The following TUBB4B variants were observed in gnomAD, a reference collection of about 807,000 sequenced individuals.
TUBB4B encodes the protein tubulin beta-4B chain.
A neutral mutation model predicts 34.3 loss-of-function variants in TUBB4B; 7 were observed. The observed-to-expected ratio is 0.20, with a 90% CI of 0.12 to 0.38. The LOEUF is 0.38. TUBB4B is among the 10% of genes least tolerant of loss of function. The probability of loss-of-function intolerance (pLI) is 1.00; values close to 1 mark genes in which losing one functional copy is unlikely to be tolerated. For missense variants in TUBB4B, 178 were observed against 610.9 expected, an observed-to-expected ratio of 0.29 and a Z score of 7.47; for synonymous variants, 390 against 250.2, an observed-to-expected ratio of 1.56 and a Z score of -5.27.
chr9:137,241,449 C>T, intron 1 of TUBB4B, 32 bp downstream of exon 1: 3 of 1,540,734 alleles, frequency 1.9e-6, no homozygotes, highest in East Asian at 2.7e-5. Context: ...GCCAGGCGGG[C>T]CTGCCGGGCG....
In TUBB4B at chr9:137,241,332, C is replaced by G. The variant is rs11545612; in HGVS notation, c.-29C>G. The G allele has an allele frequency of 3.9e-4, 613 of 1,591,872 alleles. No individual in the cohort carries two copies. The highest frequency in any genetic ancestry group is 4.9e-4 in the Non-Finnish European group (580 of 1,174,810). On this transcript the variant is annotated 5_prime_UTR_variant, in exon 1 of 4. Coordinates refer to ENST00000340384, the MANE Select transcript of TUBB4B (RefSeq NM_006088.6). ...TTCTGCTGCTGTTTGTCTACTTCCT[C>G]CTGCTTCCCCGCCGCCGCCGCCGCC...
intron 3 of TUBB4B, 115 bp downstream of exon 3, chr9:137,242,136 A>T (rs1192284950): frequency 1.9e-6 from 2 of 1,049,688 alleles, no homozygotes; most frequent in Non-Finnish European, 2.7e-6. Context: ...TCTCTGAGCC[A>T]CTCAATCCCC....
intron 1 of TUBB4B, 21 bp from the exon 2 acceptor site, chr9:137,241,700 G>T (rs773226620): frequency 1.2e-6 from 2 of 1,602,260 alleles, no homozygotes; most frequent in East Asian, 2.3e-5. Context: ...GCCCGCCCGG[G>T]CCCGCCCGCG....
chr9:137,242,845 C>T lies in TUBB4B; in HGVS notation c.627C>T (p.Asp209=), dbSNP rs376423434. The T allele has an allele frequency of 4.8e-5, 77 of 1,613,644 alleles. No homozygotes were observed. Among genetic ancestry groups the T allele is most frequent in the South Asian group, 8.8e-5 (8 of 91,092 alleles). ...GCATTGATAACGAAGCTCTCTACGA[C>T]ATTTGCTTCAGAACCCTAAAGCTGA... The part of the protein sequence containing the change: ...TYCIDNEALY[D]ICFRTLKLTT... The change falls in exon 4 of 4, where the codon GAC becomes GAT. Residue 209 remains aspartate (D), a synonymous_variant. Coordinates refer to ENST00000340384, the MANE Select transcript of TUBB4B (RefSeq NM_006088.6).
intron 1 of TUBB4B, 127 bp from the exon 2 acceptor site, chr9:137,241,594 C>T (rs1177294947): frequency 1.5e-6 from 1 of 648,972 alleles, no homozygotes; most frequent in Non-Finnish European, 1.9e-6. Flanking sequence ...GCGGCCAGGG[C>T]GCGCGGGGCG....
In TUBB4B at chr9:137,243,001, C is replaced by T. The variant is rs1006854335; in HGVS notation, c.783C>T (p.Pro261=). 1 of 1,612,924 alleles carries T rather than the reference C, an allele frequency of 6.2e-7. No homozygotes were observed. Among genetic ancestry groups the T allele is most frequent in the Non-Finnish European group, 8.5e-7 (1 of 1,180,030 alleles). The change falls in exon 4 of 4, where the codon CCC becomes CCT. Residue 261 remains proline, a synonymous_variant. Coordinates refer to ENST00000340384, the MANE Select transcript of TUBB4B (RefSeq NM_006088.6). The part of the protein sequence containing the change: ...RKLAVNMVPF[P]RLHFFMPGFA... ...TGGCTGTGAACATGGTCCCGTTTCC[C>T]CGGCTGCACTTCTTCATGCCCGGCT...
At chr9:137,242,216 T>A (rs1836764171) in intron 3 of TUBB4B, 195 bp downstream of exon 3, 2 of 672,292 alleles carry the variant, frequency 3.0e-6, no homozygotes, top group Admixed American at 2.9e-5. Context: ...ACACGTAATC[T>A]CCCTGCAGGG....
At position 137,241,696 on chromosome 9, in the gene TUBB4B, C is replaced by A. The variant is rs768359623; in HGVS notation, c.58-25C>A. On this transcript the variant is annotated intron_variant, in intron 1 of 3. Coordinates refer to ENST00000340384, the MANE Select transcript of TUBB4B (RefSeq NM_006088.6). ...CCGCGGTGACTCAGCCCCGGCCCGCCCGGGCCCGCCCGCGTCCCTTGTAGT... is the reference window on the plus strand; with the variant it reads ...CCGCGGTGACTCAGCCCCGGCCCGCACGGGCCCGCCCGCGTCCCTTGTAGT... 1.9e-6 allele frequency: 3 copies of A among 1,598,940 alleles called. No homozygotes were observed. The East Asian group carries it at 6.8e-5, about 36-fold the overall frequency.
chr9:137,241,500 C>A (rs946685150), intron 1 of TUBB4B, 83 bp downstream of exon 1: 1 of 1,152,552 alleles, frequency 8.7e-7, no homozygotes, highest in Non-Finnish European at 1.1e-6. Flanking sequence ...CAGCAGCGGC[C>A]GGGCGGCGCC....
At chr9:137,242,257 T>A (rs1836766074) in intron 3 of TUBB4B, 1 of 663,806 alleles carries the variant, frequency 1.5e-6, no homozygotes, top group Non-Finnish European at 2.5e-6. Flanking sequence ...TGTTCCTCTG[T>A]CCTTGGGAAT....
At chr9:137,241,569 GC>G in intron 1 of TUBB4B, 151 bp from the exon 2 acceptor site, 3 of 793,058 alleles carry the variant, frequency 3.8e-6, no homozygotes, top group South Asian at 5.7e-5. Flanking sequence ...GGCGACCGAA[GC>G]CCCCAGGAAC....
At chr9:137,242,392 A>G (rs773586546) in intron 3 of TUBB4B, 104 bp from the exon 4 acceptor site, 29 of 1,377,636 alleles carry the variant, frequency 2.1e-5, no homozygotes, top group Non-Finnish European at 2.8e-5. Context: ...TCCAGGGTGA[A>G]TTCTGTGGTC....
Position 137,243,368 on chromosome 9 carries a change from C to T in TUBB4B, c.1150C>T (p.Gln384Ter). 6.2e-7 allele frequency: 1 copy of T among 1,613,530 alleles called. No homozygotes were observed. Among genetic ancestry groups the T allele is most frequent in the African/African-American group, 1.3e-5 (1 of 75,060 alleles). ...IQELFKRISE[Q>*]FTAMFRRKAF... ...GGAGCTGTTCAAGCGCATCTCCGAG[C>T]AGTTCACGGCCATGTTCCGGCGCAA... is the stretch of plus-strand genomic sequence containing the variant. Residue 384 changes from glutamine to a stop codon, truncating the protein, a stop_gained, in exon 4 of 4, where the codon CAG becomes TAG. Coordinates refer to ENST00000340384, the MANE Select transcript of TUBB4B (RefSeq NM_006088.6). LOFTEE classifies it high-confidence loss of function.
chr9:137,243,154 G>T lies in TUBB4B; in HGVS notation c.936G>T (p.Thr312=), dbSNP rs763888197. ...ACDPRHGRYL[T]VAAVFRGRMS... Reference sequence around the variant, plus strand: ...ACCCCCGCCATGGCCGCTACCTGACGGTTGCCGCCGTGTTCAGGGGCCGCA... The same window carrying T: ...ACCCCCGCCATGGCCGCTACCTGACTGTTGCCGCCGTGTTCAGGGGCCGCA... Residue 312 remains threonine, a synonymous_variant, in exon 4 of 4, where the codon ACG becomes ACT. Coordinates refer to ENST00000340384, the MANE Select transcript of TUBB4B (RefSeq NM_006088.6). 6.2e-7 allele frequency: 1 copy of T among 1,612,966 alleles called. No individual in the cohort carries two copies. The highest frequency in any genetic ancestry group is 8.5e-7 in the Non-Finnish European group (1 of 1,180,024).
Position 137,241,428 on chromosome 9 carries a change from G to A in TUBB4B, c.57+11G>A. 2 of 1,579,912 alleles carry A rather than the reference G, an allele frequency of 1.3e-6. No homozygotes were observed. The highest frequency in any genetic ancestry group is 8.6e-7 in the Non-Finnish European group (1 of 1,166,118). On this transcript the variant is annotated intron_variant, in intron 1 of 3. Transcript: ENST00000340384. ...CAAATCGGCGCCAAGGTAAGTTGCC[G>A]GGGCGCTGGGGCCAGGCGGGCCTGC...
intron 3 of TUBB4B, 182 bp from the exon 4 acceptor site, chr9:137,242,314 G>A (rs1313253220): frequency 3.9e-6 from 3 of 768,182 alleles, no homozygotes; most frequent in Admixed American, 2.9e-5. Context: ...GTCAGGTTTG[G>A]CCCCTGACTT....
At chr9:137,242,332 A>G in intron 3 of TUBB4B, 164 bp from the exon 4 acceptor site, 1 of 856,106 alleles carries the variant, frequency 1.2e-6, no homozygotes, top group East Asian at 2.7e-5. Flanking sequence ...CTTAATTCGT[A>G]GCAGGGCAGG....
intron 3 of TUBB4B, chr9:137,242,232 A>AGCTGGG: frequency 1.5e-6 from 1 of 660,850 alleles, no homozygotes; most frequent in East Asian, 2.7e-5. Flanking sequence ...CAGGGAGCTG[A>AGCTGGG]GCTGGGGCAG....
At chr9:137,242,192 C>G in intron 3 of TUBB4B, 171 bp downstream of exon 3, 1 of 709,466 alleles carries the variant, frequency 1.4e-6, no homozygotes, top group South Asian at 1.9e-5. Flanking sequence ...TCTGCCGAGG[C>G]GAGGAGCCGC....
Sources: allele counts gnomAD v4.1 joint callset, GRCh38; gene constraint gnomAD v4.1.1; transcripts MANE v1.5; gene names NCBI Gene and HGNC (gene_info 2026-07-23, HGNC 2026-07-21).